SOX6: variants seen among roughly 807,000 people sequenced by gnomAD.
The protein encoded by SOX6 is SRY-box transcription factor 6, also known as transcription factor SOX-6.
A neutral mutation model predicts 97.8 loss-of-function variants in SOX6; 11 were observed. The observed-to-expected ratio is 0.11, with a 90% CI of 0.07 to 0.19. The LOEUF (loss-of-function observed/expected upper bound fraction) is 0.19. SOX6 is among the 10% of genes least tolerant of loss of function. The pLI, the probability that SOX6 is intolerant of heterozygous loss-of-function variation, is 1.00. For synonymous variants in SOX6, 360 were observed against 371.4 expected (o/e 0.97, Z 0.35); for missense variants, 810 against 1,039.5 (o/e 0.78, Z 3.04).
intron 1 of SOX6, among the ~76,000 whole-genome samples, chr11:16,430,058 T>G (rs1256979832): frequency 6.6e-6 from 1 of 152,228 alleles, no homozygotes; most frequent in African/African-American, 2.4e-5. Context: ...AATTAGCACA[T>G]AAATGTTGGC....
chr11:16,387,750 C>A (rs1019397613), intron 1 of SOX6, among the ~76,000 whole-genome samples: 3 of 152,018 alleles, frequency 2.0e-5, no homozygotes, highest in Admixed American at 6.5e-5. Context: ...CTTATTTTTA[C>A]TAATTTTAAT....
chr11:16,489,598 T>A (rs1860480436), intron 4 of SOX6, among the ~76,000 whole-genome samples: 1 of 152,140 alleles, frequency 6.6e-6, no homozygotes, highest in Non-Finnish European at 1.5e-5. Context: ...TACTTTTTCC[T>A]TGATAAATAA....
intron 9 of SOX6, among the ~76,000 whole-genome samples, chr11:16,057,575 A>G (rs1210171398): frequency 1.3e-5 from 2 of 152,170 alleles, no homozygotes; most frequent in African/African-American, 2.4e-5. Context: ...AGGCCTACCT[A>G]CTGCAGATCT....
chr11:16,354,813 T>G (rs1190122922), intron 1 of SOX6, among the ~76,000 whole-genome samples: 2 of 152,046 alleles, frequency 1.3e-5, no homozygotes, highest in African/African-American at 4.8e-5. Context: ...TCCTATGAAA[T>G]ACATGAATAC....
intron 1 of SOX6, among the ~76,000 whole-genome samples, chr11:16,425,418 C>T (rs77707564): frequency 0.012 from 1,829 of 152,274 alleles, 36 homozygotes; most frequent in African/African-American, 0.042. Flanking sequence ...TGCAAGGATG[C>T]CTTCTCTTAC....
intron 3 of SOX6, among the ~76,000 whole-genome samples, chr11:16,655,223 G>T (rs759649250): frequency 2.6e-5 from 4 of 152,122 alleles, no homozygotes; most frequent in African/African-American, 7.2e-5. Flanking sequence ...ACTGACGTTT[G>T]GTTCCCTATA....
chr11:16,473,767 G>A lies in SOX6; in HGVS notation c.-5+2548C>T, dbSNP rs188506286. 3.3e-5 allele frequency among the ~76,000 whole-genome samples: 5 copies of A among 152,192 alleles called. No individual in the cohort carries two copies. In the East Asian group the frequency reaches 7.7e-4, roughly 24 times the overall value. ...GAGTTTCACCATGTTGGCCAGGCTG[G>A]CCTCGAACTCCTGACCTTGTGATCC... is the stretch of plus-strand genomic sequence containing the variant. On this transcript the variant is annotated intron_variant, in intron 1 of 15. Coordinates refer to the SOX6 transcript ENST00000396356.
intron 3 of SOX6, among the ~76,000 whole-genome samples, chr11:16,298,168 T>C (rs12225830): frequency 0.1 from 15,669 of 152,192 alleles, 1,003 homozygotes; most frequent in East Asian, 0.28. Context: ...TTCCATTTAT[T>C]CGTTTGGCAT....
intron 1 of SOX6, among the ~76,000 whole-genome samples, chr11:16,362,679 A>G (rs1398513656): frequency 1.3e-5 from 2 of 152,170 alleles, no homozygotes; most frequent in African/African-American, 4.8e-5. Flanking sequence ...ATGAAAAAGC[A>G]GAGAAGCCCA....
intron 4 of SOX6, among the ~76,000 whole-genome samples, chr11:16,526,506 A>G (rs1337636776): frequency 6.6e-6 from 1 of 151,976 alleles, no homozygotes; most frequent in African/African-American, 2.4e-5. Context: ...GTGGGGAGGG[A>G]TAGCATTAGG....
chr11:16,176,799 A>C (rs920767408), intron 6 of SOX6, among the ~76,000 whole-genome samples: 10 of 151,926 alleles, frequency 6.6e-5, no homozygotes, highest in Admixed American at 6.6e-4. Context: ...AAGTCACAAA[A>C]AGGGCAAATG....
upstream of SOX6, among the ~76,000 whole-genome samples, chr11:16,360,799 C>A (rs576865370): frequency 6.6e-6 from 1 of 151,954 alleles, no homozygotes; most frequent in South Asian, 2.1e-4. Context: ...GTCAGGAGAT[C>A]GAGACCATCC....
intron 9 of SOX6, among the ~76,000 whole-genome samples, chr11:16,090,697 TA>T (rs1848665740): frequency 6.6e-6 from 1 of 152,014 alleles, no homozygotes; most frequent in Non-Finnish European, 1.5e-5. Context: ...TGAAATGCAT[TA>T]ATTCGTCCAT....
At position 16,492,637 on chromosome 11, in the gene SOX6, C is replaced by T. The variant is rs191696317; in HGVS notation, n.610-16249G>A. 3.6e-3 allele frequency among the ~76,000 whole-genome samples: 554 copies of T among 152,208 alleles called. 4 individuals are homozygous for T. The highest frequency in any genetic ancestry group is 0.012 in the African/African-American group (480 of 41,516). On this transcript the variant is annotated intron_variant and non_coding_transcript_variant, in intron 4 of 5. Transcript: ENST00000524520. The stretch of plus-strand genomic sequence containing the variant: ...TTCCTTCTTCCAAACCTCACTACTC[C>T]CTCACTTCTACTTCCTCAGATTATC...
chr11:16,112,978 A>G (rs1330254969), intron 6 of SOX6, among the ~76,000 whole-genome samples: 3 of 152,204 alleles, frequency 2.0e-5, no homozygotes, highest in Non-Finnish European at 2.9e-5. Flanking sequence ...GGGCTATATT[A>G]TATCTTTTTT....
chr11:16,090,693 G>T (rs1848665575), intron 9 of SOX6, among the ~76,000 whole-genome samples: 2 of 151,948 alleles, frequency 1.3e-5, no homozygotes, highest in South Asian at 2.1e-4. Context: ...AAGATGAAAT[G>T]CATTAATTCG....
At chr11:16,233,747 C>T (rs1359779962) in intron 4 of SOX6, among the ~76,000 whole-genome samples, 4 of 152,054 alleles carry the variant, frequency 2.6e-5, no homozygotes, top group Admixed American at 2.0e-4. Flanking sequence ...CGGTGACTCA[C>T]ACCTGTAATC....
intron 3 of SOX6, among the ~76,000 whole-genome samples, chr11:16,275,201 G>A (rs545164681): frequency 7.9e-5 from 12 of 151,676 alleles, no homozygotes; most frequent in Non-Finnish European, 1.8e-4. Flanking sequence ...ACACCTCTTA[G>A]GAGCCCGAGG....
chr11:16,651,653 C>T (rs897057363), intron 3 of SOX6, among the ~76,000 whole-genome samples: 2 of 152,110 alleles, frequency 1.3e-5, no homozygotes, highest in Non-Finnish European at 2.9e-5. Flanking sequence ...TATTACAAAC[C>T]CACAGCCAAC....
Sources: allele counts gnomAD v4.1 joint callset (sites outside exome capture counted in the v4.1 genomes callset), GRCh38; gene constraint gnomAD v4.1.1; transcripts MANE v1.5; gene names NCBI Gene and HGNC (gene_info 2026-07-23, HGNC 2026-07-21).